The following ZZEF1 variants were observed in gnomAD, a reference collection of about 807,000 sequenced individuals.
The protein encoded by ZZEF1 is zinc finger ZZ-type and EF-hand domain-containing protein 1.
ZZEF1 carries 157 observed loss-of-function variants against 342.8 expected under a neutral mutation model. The ratio of observed to expected loss-of-function variants is 0.46; its 90% CI spans 0.40 to 0.52. The LOEUF (loss-of-function observed/expected upper bound fraction) is 0.52, where lower values mean the gene tolerates loss of function less well. Ranked by LOEUF, ZZEF1 falls within the 20% of genes least tolerant of loss-of-function variation. The pLI is 0.00. For synonymous variants in ZZEF1, 1,505 were observed against 1,429.1 expected (o/e 1.05, Z -1.20); for missense variants, 3,480 against 3,725.6 (o/e 0.93, Z 1.72).
At chr17:4,013,178 A>C (rs976604147) in intron 52 of ZZEF1, among the ~76,000 whole-genome samples, 5 of 152,160 alleles carry the variant, frequency 3.3e-5, no homozygotes, top group Non-Finnish European at 5.9e-5. Context: ...CATACACTCA[A>C]ATGCATTCCA....
chr17:4,077,090 G>A (rs548279273), intron 19 of ZZEF1, 101 bp from the exon 20 acceptor site: 4 of 1,215,484 alleles, frequency 3.3e-6, no homozygotes, highest in South Asian at 4.5e-5. Flanking sequence ...AAGCTGCAGA[G>A]GGGGTTCCAC....
At position 4,059,957 on chromosome 17, in the gene ZZEF1, C is replaced by T. The variant is rs554949151; in HGVS notation, c.4884-667G>A. 8.5e-4 allele frequency among the ~76,000 whole-genome samples: 130 copies of T among 152,346 alleles called. No individual in the cohort carries two copies. The East Asian group carries it at 9.1e-3, about 11-fold the overall frequency. ...CAGCCTTTTCTTCAATACCAGTGGGCGTCAGCCCAGGACGCTGCCTCATGT... is the reference window on the plus strand; with the variant it reads ...CAGCCTTTTCTTCAATACCAGTGGGTGTCAGCCCAGGACGCTGCCTCATGT... On this transcript the variant is annotated intron_variant, in intron 30 of 54. Transcript: ENST00000381638.
chr17:4,057,919 C>A (rs2057200266), intron 32 of ZZEF1, 75 bp downstream of exon 32: 1 of 1,484,950 alleles, frequency 6.7e-7, no homozygotes, highest in African/African-American at 1.4e-5. Flanking sequence ...AGTCTGTGCT[C>A]TTAACGCCCC....
chr17:4,043,834 T>A (rs1271320989), intron 38 of ZZEF1, among the ~76,000 whole-genome samples: 2 of 152,156 alleles, frequency 1.3e-5, no homozygotes, highest in Admixed American at 6.6e-5. Context: ...GAGACACCAA[T>A]CACTGTCAAC....
intron 39 of ZZEF1, among the ~76,000 whole-genome samples, chr17:4,036,067 T>A (rs2056654836): frequency 8.4e-6 from 1 of 118,596 alleles, no homozygotes; most frequent in African/African-American, 3.7e-5. Context: ...ACCACTGCAC[T>A]ACAGCCTGTC....
chr17:4,044,437 G>T, intron 37 of ZZEF1, 63 bp from the exon 38 acceptor site: 1 of 1,487,690 alleles, frequency 6.7e-7, no homozygotes, highest in South Asian at 1.3e-5. Context: ...CCATGATTAT[G>T]ATAACTTTTT....
intron 10 of ZZEF1, among the ~76,000 whole-genome samples, chr17:4,096,198 T>C (rs1019764736): frequency 2.0e-5 from 3 of 152,156 alleles, no homozygotes; most frequent in African/African-American, 7.2e-5. Flanking sequence ...GACTTTACAG[T>C]CTATCCATCT....
chr17:4,090,567 C>T, intron 12 of ZZEF1, 152 bp downstream of exon 12: 1 of 645,354 alleles, frequency 1.5e-6, no homozygotes, highest in South Asian at 1.8e-5. Context: ...ATCACACTGT[C>T]TTACACATCT....
At chr17:4,064,066 G>T (rs190221478) in intron 29 of ZZEF1, among the ~76,000 whole-genome samples, 26 of 151,106 alleles carry the variant, frequency 1.7e-4, no homozygotes, top group South Asian at 8.4e-4. Flanking sequence ...TAGATGGAGG[G>T]GGGGGGGTCT....
Position 4,124,064 on chromosome 17 carries a change from A to G in ZZEF1, c.355-13T>C. On this transcript the variant is annotated splice_polypyrimidine_tract_variant and intron_variant, in intron 1 of 54. Coordinates refer to ENST00000381638, the MANE Select transcript of ZZEF1 (RefSeq NM_015113.4). ...ACTGGGCAAAGGCCTACAAGATAAG[A>G]GATGCAAGAAAATCAGGGCTGTTTC... is the stretch of plus-strand genomic sequence containing the variant. 6.3e-7 allele frequency: 1 copy of G among 1,594,584 alleles called. No individual in the cohort carries two copies. The highest frequency in any genetic ancestry group is 1.1e-5 in the South Asian group (1 of 88,362).
Position 4,126,225 on chromosome 17 carries a change from C to CA in ZZEF1, c.355-2175dup, listed in dbSNP as rs34213678. Among the ~76,000 whole-genome samples, 376 of 94,046 alleles carry CA rather than the reference C, an allele frequency of 4.0e-3. 2 individuals carry two copies. Among genetic ancestry groups the CA allele is most frequent in the African/African-American group, 0.011 (257 of 24,056 alleles). The allele number at this position is 94,046 out of a possible 152,430, so 61.7% of individuals were successfully genotyped here. ...GGTGACAGAGAGCAAGACTCCGTCT[C>CA]AAAAAAAAAAAAAAAAAAAAGAGTT... On this transcript the variant is annotated intron_variant, in intron 1 of 54. Coordinates refer to ENST00000381638, the MANE Select transcript of ZZEF1 (RefSeq NM_015113.4).
At chr17:4,007,839 G>A (rs1040877562) in intron 54 of ZZEF1, among the ~76,000 whole-genome samples, 5 of 152,094 alleles carry the variant, frequency 3.3e-5, no homozygotes, top group East Asian at 1.9e-4. Context: ...CGGTGTGTTC[G>A]GAGACTACTT....
At chr17:4,056,403 C>A in intron 32 of ZZEF1, 58 bp from the exon 33 acceptor site, 2 of 1,510,152 alleles carry the variant, frequency 1.3e-6, no homozygotes, top group South Asian at 2.8e-5. Context: ...AAGGAAAGTA[C>A]TGGTTAGCAG....
Position 4,019,527 on chromosome 17 carries a change from C to A in ZZEF1, c.7505+142G>T, listed in dbSNP as rs575710615. 18 of 671,568 alleles carry A rather than the reference C, an allele frequency of 2.7e-5. No homozygotes were observed. In the African/African-American group the frequency reaches 3.4e-4, roughly 13 times the overall value. 41.6% of individuals were successfully genotyped at this position (671,568 alleles called of 1,614,324 possible). On this transcript the variant is annotated intron_variant, in intron 46 of 54. Coordinates refer to ENST00000381638, the MANE Select transcript of ZZEF1 (RefSeq NM_015113.4). ...ACGTAGCACAGGCCACCTCCCACCT[C>A]GCCTTACAAAGGACTAGCAACTGCT...
chr17:4,016,601 A>G lies in ZZEF1; in HGVS notation c.8002-135T>C. On this transcript the variant is annotated intron_variant, in intron 48 of 54. Transcript: ENST00000381638. This position sits in a 1 kb window ranked among gnomAD's most constrained non-coding sequence, Gnocchi z 4.4. ...TAGGACGAGCCTCTGTGACTCCACC[A>G]CCCAAAACCAACTCCACCAGCCACC... 9.9e-7 allele frequency: 1 copy of G among 1,008,820 alleles called. No homozygotes were observed. 62.5% of individuals were successfully genotyped at this position (1,008,820 alleles called of 1,614,324 possible). A position where few individuals can be genotyped will look rare whatever the true frequency, so the allele number is the denominator to read the frequency against.
intron 39 of ZZEF1, among the ~76,000 whole-genome samples, chr17:4,034,649 A>T (rs1479423337): frequency 2.6e-5 from 4 of 152,222 alleles, no homozygotes; most frequent in African/African-American, 9.6e-5. Flanking sequence ...ACAACTGTTA[A>T]GTGTGATGAA....
In ZZEF1 at chr17:4,064,459, G is replaced by A. The variant is rs756531376; in HGVS notation, c.4620C>T (p.Ser1540=). The change falls in exon 29 of 55, where the codon TCC becomes TCT. Residue 1540 remains serine (S), a synonymous_variant. Transcript: ENST00000381638. ...TGGGCACCAGTCTGGCCTCCTCCAT[G>A]GATCGAAAGGAGAGCAGCCGGAGTC... ...RGRLRLLSFR[S]MEEARLVPTV... is the part of the protein sequence containing the mutation. 7 of 1,614,190 alleles carry A rather than the reference G, an allele frequency of 4.3e-6. No homozygotes were observed. Among genetic ancestry groups the A allele is most frequent in the Non-Finnish European group, 5.9e-6 (7 of 1,180,042 alleles).
chr17:4,022,585 T>G, intron 44 of ZZEF1, 124 bp downstream of exon 44: 1 of 1,400,012 alleles, frequency 7.1e-7, no homozygotes, highest in Non-Finnish European at 9.8e-7. Flanking sequence ...GCAAGGGAGT[T>G]TTCAACACTG....
At chr17:4,038,538 C>T (rs553091013) in intron 39 of ZZEF1, among the ~76,000 whole-genome samples, 1 of 152,344 alleles carries the variant, frequency 6.6e-6, no homozygotes, top group East Asian at 1.9e-4. Context: ...GGCGCAGCGG[C>T]TCACGCCTGT....
Sources: allele counts gnomAD v4.1 joint callset (sites outside exome capture counted in the v4.1 genomes callset), GRCh38; gene constraint gnomAD v4.1.1; non-coding constraint Gnocchi (gnomAD v3.1); transcripts MANE v1.5; gene names NCBI Gene and HGNC (gene_info 2026-07-23, HGNC 2026-07-21).